The following TMTC1 variants were observed in gnomAD, a reference collection of about 807,000 sequenced individuals.
TMTC1 encodes the protein transmembrane O-mannosyltransferase targeting cadherins 1.
A neutral mutation model predicts 104.8 loss-of-function variants in TMTC1; 73 were observed. The observed-to-expected ratio is 0.70, with a 90% CI of 0.58 to 0.85. TMTC1 has a LOEUF of 0.85. TMTC1 is among the 40% of genes least tolerant of loss of function. The probability of loss-of-function intolerance (pLI) is 0.00; values close to 1 mark genes in which losing one functional copy is unlikely to be tolerated. For synonymous variants in TMTC1, 434 were observed against 428.7 expected (o/e 1.01, Z -0.15); for missense variants, 1,035 against 1,096.1 (o/e 0.94, Z 0.79).
chr12:29,649,511 G>C (rs1322035696), intron 5 of TMTC1, among the ~76,000 whole-genome samples: 1 of 152,188 alleles, frequency 6.6e-6, no homozygotes, highest in Non-Finnish European at 1.5e-5. Context: ...GGTTCCTGTA[G>C]TCACCCCTGG....
At chr12:29,561,912 G>T (rs937687134) in intron 9 of TMTC1, among the ~76,000 whole-genome samples, 7 of 152,056 alleles carry the variant, frequency 4.6e-5, no homozygotes, top group Non-Finnish European at 8.8e-5. Context: ...TCTATTTCCT[G>T]TTGAGAAAAT....
In TMTC1 at chr12:29,631,252, T is replaced by A. The variant is rs549033504; in HGVS notation, c.1128+1895A>T. ...TCTTTTGATGAAAAAAATATTTAAT[T>A]TTGATGATGTCCAATTTATCAACTT... On this transcript the variant is annotated intron_variant, in intron 6 of 17. Transcript: ENST00000539277. 2.9e-4 allele frequency among the ~76,000 whole-genome samples: 44 copies of A among 152,334 alleles called. 1 individual carries two copies. The highest frequency in any genetic ancestry group is 2.7e-3 in the South Asian group (13 of 4,828).
Position 29,671,254 on chromosome 12 carries a change from T to A in TMTC1, c.939-37918A>T, listed in dbSNP as rs1940502391. On this transcript the variant is annotated intron_variant, in intron 5 of 17. Coordinates refer to ENST00000539277, the MANE Select transcript of TMTC1 (RefSeq NM_001193451.2). Reference sequence around the variant, plus strand: ...TCCGGAGGTTGCAGTGAGCAGCGATTGCACCACTGCACTCCAGCCTGGGCG... The same window carrying A: ...TCCGGAGGTTGCAGTGAGCAGCGATAGCACCACTGCACTCCAGCCTGGGCG... 3.3e-5 allele frequency among the ~76,000 whole-genome samples: 5 copies of A among 149,612 alleles called. No homozygotes were observed. The South Asian group carries it at 1.1e-3, about 32-fold the overall frequency.
intron 5 of TMTC1, among the ~76,000 whole-genome samples, chr12:29,685,930 TAAAA>T (rs74950953): frequency 0.15 from 19,743 of 129,068 alleles, 1,549 homozygotes; most frequent in East Asian, 0.35. Context: ...GCAAGATTGT[TAAAA>T]AAAAAAAAAA....
At chr12:29,530,067 T>A (rs1490778942) in intron 11 of TMTC1, 1 of 152,206 alleles carries the variant, frequency 6.6e-6, no homozygotes, top group Non-Finnish European at 1.5e-5. Flanking sequence ...ACTTTAGACT[T>A]TTCTCATGCC....
chr12:29,615,134 G>A (rs1228836544), intron 6 of TMTC1, among the ~76,000 whole-genome samples: 2 of 152,202 alleles, frequency 1.3e-5, no homozygotes, highest in Non-Finnish European at 2.9e-5. Context: ...AAGTTGCCAG[G>A]TTCTTTTGTA....
At chr12:29,663,740 C>T (rs1940144290) in intron 5 of TMTC1, among the ~76,000 whole-genome samples, 1 of 147,102 alleles carries the variant, frequency 6.8e-6, no homozygotes, top group African/African-American at 2.5e-5. Context: ...TGGTCTCAAA[C>T]TCCTGACCTC....
chr12:29,712,006 CAAAAAAAAAAAA>C (rs34419655), intron 5 of TMTC1, among the ~76,000 whole-genome samples: 1 of 43,904 alleles, frequency 2.3e-5, no homozygotes, highest in African/African-American at 9.1e-5. Context: ...GACTCCATCT[CAAAAAAAAAAAA>C]AAAAAAAAAA....
chr12:29,582,090 CATAA>C (rs1316313464), intron 8 of TMTC1, among the ~76,000 whole-genome samples: 3 of 152,136 alleles, frequency 2.0e-5, no homozygotes, highest in South Asian at 4.1e-4. Flanking sequence ...CGTAATAATA[CATAA>C]ATAAAGTAAT....
At chr12:29,604,108 T>C in intron 7 of TMTC1, 70 bp downstream of exon 7, 2 of 1,594,440 alleles carry the variant, frequency 1.3e-6, no homozygotes, top group South Asian at 1.1e-5. Flanking sequence ...CAGAAGACTG[T>C]CTCTCTGGAA....
At chr12:29,663,599 T>A (rs1940135345) in intron 5 of TMTC1, among the ~76,000 whole-genome samples, 1 of 151,790 alleles carries the variant, frequency 6.6e-6, no homozygotes, top group African/African-American at 2.4e-5. Flanking sequence ...TCACTGCAAC[T>A]TCTGCCTCCC....
chr12:29,748,449 G>A (rs914555589), intron 5 of TMTC1, among the ~76,000 whole-genome samples: 1 of 152,200 alleles, frequency 6.6e-6, no homozygotes, highest in African/African-American at 2.4e-5. Context: ...CCAAAGCTTA[G>A]CCCTCGCTCT....
intron 5 of TMTC1, among the ~76,000 whole-genome samples, chr12:29,735,687 A>T (rs1230959113): frequency 6.6e-6 from 1 of 152,210 alleles, no homozygotes; most frequent in Admixed American, 6.5e-5. Context: ...GGAAGACTGC[A>T]TTTTTAACTT....
At chr12:29,733,918 C>T (rs1463270995) in intron 5 of TMTC1, among the ~76,000 whole-genome samples, 1 of 152,150 alleles carries the variant, frequency 6.6e-6, no homozygotes, top group Non-Finnish European at 1.5e-5. Flanking sequence ...ATTATTTTTT[C>T]ATTGCAGTTT....
chr12:29,509,515 G>A (rs1241216515), intron 17 of TMTC1, among the ~76,000 whole-genome samples: 1 of 152,142 alleles, frequency 6.6e-6, no homozygotes, highest in Non-Finnish European at 1.5e-5. Context: ...AACAATGCCC[G>A]ATGCACACAT....
intron 5 of TMTC1, among the ~76,000 whole-genome samples, chr12:29,735,020 A>C (rs752444783): frequency 1.3e-4 from 20 of 152,346 alleles, no homozygotes; most frequent in South Asian, 4.1e-4. Flanking sequence ...TAACCATTAA[A>C]CAACTAAGCA....
At chr12:29,543,192 G>A (rs374169597) in intron 10 of TMTC1, among the ~76,000 whole-genome samples, 4 of 152,226 alleles carry the variant, frequency 2.6e-5, no homozygotes, top group African/African-American at 9.6e-5. Flanking sequence ...CACAGCATTG[G>A]GACTGTTTTT....
chr12:29,604,050 C>G, intron 7 of TMTC1, 128 bp downstream of exon 7: 1 of 1,279,682 alleles, frequency 7.8e-7, no homozygotes, highest in African/African-American at 1.5e-5. Flanking sequence ...GTTTTTAAAG[C>G]TGAAATAATA....
intron 5 of TMTC1, among the ~76,000 whole-genome samples, chr12:29,729,579 C>T (rs996592928): frequency 6.6e-6 from 1 of 152,164 alleles, no homozygotes; most frequent in Non-Finnish European, 1.5e-5. Context: ...AGGTTCCCAT[C>T]ACAATGACTT....
Sources: allele counts gnomAD v4.1 joint callset (sites outside exome capture counted in the v4.1 genomes callset), GRCh38; gene constraint gnomAD v4.1.1; transcripts MANE v1.5; gene names NCBI Gene and HGNC (gene_info 2026-07-23, HGNC 2026-07-21).